Variants in HIPK2 observed in about 807,000 individuals in gnomAD.
The protein encoded by HIPK2 is homeodomain-interacting protein kinase 2.
HIPK2 carries 27 observed loss-of-function variants against 113.7 expected under a neutral mutation model. The observed-to-expected ratio is 0.24, with a 90% CI of 0.17 to 0.33. HIPK2 has a LOEUF of 0.33. Ranked by LOEUF, HIPK2 falls within the 10% of genes least tolerant of loss-of-function variation. HIPK2 has a pLI of 1.00. For missense variants in HIPK2, 1,257 were observed against 1,588.0 expected, an observed-to-expected ratio of 0.79 and a Z score of 3.54; for synonymous variants, 631 against 642.2, an observed-to-expected ratio of 0.98 and a Z score of 0.26.
At chr7:139,670,687 C>T (rs1585357544) in intron 2 of HIPK2, among the ~76,000 whole-genome samples, 1 of 151,420 alleles carries the variant, frequency 6.6e-6, no homozygotes, top group Admixed American at 6.6e-5. Context: ...GTAGCTACCA[C>T]CTTTGCATTC....
In HIPK2 at chr7:139,575,120, G is replaced by C. The variant is rs746817637; in HGVS notation, c.3126+8C>G. The C allele has an allele frequency of 1.7e-5, 27 of 1,588,260 alleles. No homozygotes were observed. In the South Asian group the frequency reaches 2.1e-4, roughly 12 times the overall value. On this transcript the variant is annotated splice_region_variant and intron_variant, in intron 14 of 14. Transcript: ENST00000406875. ...TGCCTGGCCTGGGGCGCCAGCTGTG[G>C]GGCTTACCTGGCTGAGATTGAGTGG...
intron 1 of HIPK2, among the ~76,000 whole-genome samples, chr7:139,731,922 C>T (rs1795794724): frequency 6.6e-6 from 1 of 152,018 alleles, no homozygotes; most frequent in Non-Finnish European, 1.5e-5. Flanking sequence ...GGGATCACTT[C>T]GGGAAAGGTA....
intron 12 of HIPK2, among the ~76,000 whole-genome samples, chr7:139,591,593 C>T (rs192436927): frequency 1.9e-3 from 284 of 152,320 alleles, no homozygotes; most frequent in African/African-American, 6.7e-3. Flanking sequence ...TGAAGTGTCT[C>T]TTCTTCAAAA....
At chr7:139,763,573 C>A (rs1302876636) in intron 1 of HIPK2, among the ~76,000 whole-genome samples, 1 of 146,624 alleles carries the variant, frequency 6.8e-6, no homozygotes, top group African/African-American at 2.5e-5. Context: ...GACCAGATGG[C>A]CTGCAAAGCC....
intron 2 of HIPK2, among the ~76,000 whole-genome samples, chr7:139,653,946 T>C (rs1334202777): frequency 6.6e-6 from 1 of 152,110 alleles, no homozygotes; most frequent in Non-Finnish European, 1.5e-5. Flanking sequence ...TTTGCCAGGC[T>C]GGTCTCAAAC....
At chr7:139,729,571 G>A (rs772895467) in intron 1 of HIPK2, among the ~76,000 whole-genome samples, 41 of 152,224 alleles carry the variant, frequency 2.7e-4, no homozygotes, top group African/African-American at 7.2e-4. Context: ...GTTCTTCCTC[G>A]TGTGCCCTCT....
In HIPK2 at chr7:139,613,112, G is replaced by T; in HGVS notation, c.2112+90C>A. On this transcript the variant is annotated intron_variant, in intron 9 of 14. Transcript: ENST00000406875. This position sits in a 1 kb window ranked among gnomAD's most constrained non-coding sequence, Gnocchi z 4.2. ...ACTAGAAGCACCTAACTCATTACTA[G>T]GGAGAGAGGGAGTGGAGATATATAT... 2.7e-6 allele frequency: 4 copies of T among 1,481,388 alleles called. No individual in the cohort carries two copies. Among genetic ancestry groups the T allele is most frequent in the African/African-American group, 1.4e-5 (1 of 72,160 alleles). 91.8% of individuals were successfully genotyped at this position (1,481,388 alleles called of 1,614,324 possible).
intron 2 of HIPK2, among the ~76,000 whole-genome samples, chr7:139,675,177 G>A (rs1166321360): frequency 6.6e-6 from 1 of 152,132 alleles, no homozygotes; most frequent in Admixed American, 6.5e-5. Context: ...CAGAATGAGG[G>A]AGAGTATGTT....
At position 139,573,284 on chromosome 7, in the gene HIPK2, G is replaced by A. The variant is rs377054672; in HGVS notation, c.3240C>T (p.His1080=). 6 of 1,604,800 alleles carry A rather than the reference G, an allele frequency of 3.7e-6. No individual in the cohort carries two copies. The highest frequency in any genetic ancestry group is 1.3e-5 in the African/African-American group (1 of 74,884). The change falls in exon 15 of 15, where the codon CAC becomes CAT. Residue 1080 remains histidine (H), a synonymous_variant. Transcript: ENST00000406875. ...PYSFPHNSPS[H]GTVHPHLAAA... ...CAGCCAGATGCGGGTGCACAGTGCC[G>A]TGGCTGGGGCTGTTGTGCGGGAAGG...
intron 2 of HIPK2, among the ~76,000 whole-genome samples, chr7:139,664,191 T>G (rs1801966476): frequency 6.6e-6 from 1 of 152,226 alleles, no homozygotes. Flanking sequence ...TCACTTTGCA[T>G]TCATCTACTT....
chr7:139,567,793 GCA>G lies in HIPK2; in HGVS notation c.*5132_*5133del, dbSNP rs1329750434. 4.6e-5 allele frequency: 7 copies of G among 152,260 alleles called. No homozygotes were observed. The highest frequency in any genetic ancestry group is 1.7e-4 in the African/African-American group (7 of 41,460). The allele number at this position is 152,260 out of a possible 1,614,324, so 9.4% of individuals were successfully genotyped here. On this transcript the variant is annotated 3_prime_UTR_variant, in exon 15 of 15. Transcript: ENST00000406875. Reference sequence around the variant, plus strand: ...CCTCAATTCTCTCTGCTAGTTGAGAGCACCGAGCCATTTCCTTCTTTCCATTT... The same window carrying G: ...CCTCAATTCTCTCTGCTAGTTGAGAGCCGAGCCATTTCCTTCTTTCCATTT...
At chr7:139,635,047 C>T (rs1281624075) in intron 2 of HIPK2, among the ~76,000 whole-genome samples, 2 of 152,212 alleles carry the variant, frequency 1.3e-5, no homozygotes, top group African/African-American at 2.4e-5. Context: ...CTGCTTTTCT[C>T]TCTGCCCTCC....
chr7:139,741,825 C>T (rs1585446252), intron 1 of HIPK2, among the ~76,000 whole-genome samples: 1 of 152,294 alleles, frequency 6.6e-6, no homozygotes, highest in Admixed American at 6.5e-5. Flanking sequence ...CTTTTGAAAT[C>T]ATAGATAAGT....
chr7:139,665,041 T>TCTC (rs1554440597), intron 2 of HIPK2, among the ~76,000 whole-genome samples: 13,756 of 95,458 alleles, frequency 0.14, 668 homozygotes, highest in East Asian at 0.29. Flanking sequence ...TTCTCTCTCT[T>TCTC]TTTTTTTTTT....
At chr7:139,670,092 C>T (rs1392570801) in intron 2 of HIPK2, among the ~76,000 whole-genome samples, 2 of 152,112 alleles carry the variant, frequency 1.3e-5, no homozygotes, top group Non-Finnish European at 2.9e-5. Context: ...GCAAGTGAGA[C>T]AATACAAGAA....
At chr7:139,694,716 G>A (rs1794515726) in intron 2 of HIPK2, among the ~76,000 whole-genome samples, 1 of 152,158 alleles carries the variant, frequency 6.6e-6, no homozygotes, top group South Asian at 2.1e-4. Context: ...TGTCTGCTTT[G>A]GTTTAGTGGA....
chr7:139,623,800 G>A (rs960397521), intron 6 of HIPK2, among the ~76,000 whole-genome samples: 1 of 152,132 alleles, frequency 6.6e-6, no homozygotes, highest in African/African-American at 2.4e-5. Flanking sequence ...TCTGACTCTG[G>A]AGACAGCAGG....
chr7:139,691,524 C>T (rs188611581), intron 2 of HIPK2, among the ~76,000 whole-genome samples: 18 of 152,350 alleles, frequency 1.2e-4, no homozygotes, highest in African/African-American at 3.6e-4. Context: ...ACACTCTGAC[C>T]TGGCACTGCT....
intron 10 of HIPK2, among the ~76,000 whole-genome samples, chr7:139,602,422 A>G (rs774206849): frequency 6.6e-6 from 1 of 152,186 alleles, no homozygotes; most frequent in Non-Finnish European, 1.5e-5. Flanking sequence ...GGAAGAGAGT[A>G]TGCTGGCTTT....
Sources: allele counts gnomAD v4.1 joint callset (sites outside exome capture counted in the v4.1 genomes callset), GRCh38; gene constraint gnomAD v4.1.1; non-coding constraint Gnocchi (gnomAD v3.1); transcripts MANE v1.5; gene names NCBI Gene and HGNC (gene_info 2026-07-23, HGNC 2026-07-21).